CAPN3: variants seen among roughly 807,000 people sequenced by gnomAD.
CAPN3 encodes calpain-3.
CAPN3 carries 88 observed loss-of-function variants against 114.0 expected under a neutral mutation model. The ratio of observed to expected loss-of-function variants is 0.77; its 90% confidence interval spans 0.65 to 0.92. The LOEUF (loss-of-function observed/expected upper bound fraction) is 0.92, where lower values mean the gene tolerates loss of function less well. CAPN3 is among the 40% of genes least tolerant of loss of function. The pLI is 0.00. For missense variants in CAPN3, 1,028 were observed against 1,069.0 expected (o/e 0.96, Z 0.53); for synonymous variants, 386 against 382.9 (o/e 1.01, Z -0.09).
chr15:42,405,920 A>G lies in CAPN3; in HGVS notation c.1783-6A>G. 1 of 1,610,706 alleles carries G rather than the reference A, an allele frequency of 6.2e-7. No individual in the cohort carries two copies. Among genetic ancestry groups the G allele is most frequent in the Non-Finnish European group, 8.5e-7 (1 of 1,176,932 alleles). On this transcript the variant is annotated splice_polypyrimidine_tract_variant and splice_region_variant and intron_variant, in intron 14 of 23. Coordinates refer to ENST00000397163, the MANE Select transcript of CAPN3 (RefSeq NM_000070.3). ...TCTGCATTTACTGTTTCCTTTTCTT[A>G]TGCAGAAAAAGAAAAAAACCAAGGT...
At chr15:42,381,179 A>G (rs566046711) in intron 1 of CAPN3, among the ~76,000 whole-genome samples, 2 of 152,218 alleles carry the variant, frequency 1.3e-5, no homozygotes, top group East Asian at 3.9e-4. Flanking sequence ...TTTAAAATCA[A>G]GATTTTATTT....
chr15:42,403,775 G>C lies in CAPN3; in HGVS notation c.1780G>C (p.Val594Leu). ...VENTISVDRP[V>L]KKKKTKPIIF... is the part of the protein sequence containing the mutation. ...AAATACCATCTCCGTGGATCGGCCA[G>C]TGGTGAGTGGTTTAGATCTTCTGTG... The change falls in exon 14 of 24, where the codon GTG becomes CTG. Residue 594 changes from valine (V) to leucine (L), a missense_variant and splice_region_variant. Coordinates refer to ENST00000397163, the MANE Select transcript of CAPN3 (RefSeq NM_000070.3). 1.2e-6 allele frequency: 2 copies of C among 1,614,018 alleles called. No homozygotes were observed. The highest frequency in any genetic ancestry group is 8.5e-7 in the Non-Finnish European group (1 of 1,179,874).
intron 10 of CAPN3, 152 bp from the exon 11 acceptor site, chr15:42,401,489 A>G (rs1476161441): frequency 3.6e-5 from 5 of 138,032 alleles, no homozygotes; most frequent in Non-Finnish European, 1.4e-5. Context: ...CCCCCCCCCA[A>G]ATCATTAGAG....
intron 10 of CAPN3, among the ~76,000 whole-genome samples, chr15:42,400,518 C>T (rs752668791): frequency 2.0e-5 from 3 of 151,048 alleles, no homozygotes; most frequent in Admixed American, 6.6e-5. Context: ...ATCACTTGAG[C>T]CCAGGAGTTC....
intron 1 of CAPN3, among the ~76,000 whole-genome samples, chr15:42,366,828 CT>C (rs545010219): frequency 1.5e-4 from 19 of 127,762 alleles, no homozygotes; most frequent in South Asian, 5.0e-4. Context: ...TCTTTTTTTT[CT>C]TTTTTTTTTT....
At position 42,386,279 on chromosome 15, in the gene CAPN3, C is replaced by T. The variant is rs746311570; in HGVS notation, c.492C>T (p.His164=). The T allele has an allele frequency of 1.5e-5, 24 of 1,607,580 alleles. 1 individual carries two copies. Among genetic ancestry groups the T allele is most frequent in the Middle Eastern group, 1.6e-4 (1 of 6,068 alleles). Residue 164 remains histidine, a synonymous_variant, in exon 3 of 24, where the codon CAC becomes CAT. Transcript: ENST00000397163. ...TCGAAAACTACGCAGGGATCTTCCA[C>T]TTCCAGGTGAGGTAATGAGAGTGTA... The part of the protein sequence containing the change: ...SFIENYAGIF[H]FQFWRYGEWV...
intron 1 of CAPN3, among the ~76,000 whole-genome samples, chr15:42,378,144 C>T (rs1280237106): frequency 1.3e-5 from 2 of 152,192 alleles, no homozygotes; most frequent in Admixed American, 1.3e-4. Flanking sequence ...AGTCAGCAGC[C>T]ACGGCCCTGA....
At chr15:42,383,075 A>G (rs1052305126) in intron 1 of CAPN3, among the ~76,000 whole-genome samples, 1 of 152,148 alleles carries the variant, frequency 6.6e-6, no homozygotes, top group Non-Finnish European at 1.5e-5. Context: ...TTATCCTTCC[A>G]TTCCACTCAG....
At chr15:42,399,797 A>C in intron 10 of CAPN3, 145 bp downstream of exon 10, 1 of 753,184 alleles carries the variant, frequency 1.3e-6, no homozygotes, top group Non-Finnish European at 2.1e-6. Context: ...GGAAACCACC[A>C]TGCTGAGAAG....
chr15:42,409,249 C>G (rs759203442), intron 16 of CAPN3, 54 bp from the exon 17 acceptor site: 4 of 1,560,140 alleles, frequency 2.6e-6, no homozygotes, highest in Admixed American at 3.4e-5. Flanking sequence ...GCTTGCCTCA[C>G]AGGCCTGTGC....
At position 42,389,033 on chromosome 15, in the gene CAPN3, TGACATGTACAA is replaced by T. The variant is rs1555420647; in HGVS notation, c.741_751del (p.Met248HisfsTer16). The T allele has an allele frequency of 6.2e-7, 1 of 1,613,964 alleles. No individual in the cohort carries two copies. The highest frequency in any genetic ancestry group is 1.7e-5 in the Admixed American group (1 of 59,992). On this transcript the variant is annotated frameshift_variant, in exon 5 of 24. Transcript: ENST00000397163. LOFTEE classifies it high-confidence loss of function. ...TTTTTGAGATCAGGGATGCTCCTAG[TGACATGTACAA>T]GATCATGAAGAAAGCCATCGAGAGA...
Position 42,411,786 on chromosome 15 carries a change from T to A in CAPN3, c.*13T>A, listed in dbSNP as rs1461477933. On this transcript the variant is annotated 3_prime_UTR_variant, in exon 24 of 24. Coordinates refer to ENST00000397163, the MANE Select transcript of CAPN3 (RefSeq NM_000070.3). ...CATGTATGCCTGAACCAGGCTGGCC[T>A]CATCCAAAGCCATGCAGGATCACTC... 1.2e-6 allele frequency: 2 copies of A among 1,604,186 alleles called. No individual in the cohort carries two copies. Among genetic ancestry groups the A allele is most frequent in the Non-Finnish European group, 1.7e-6 (2 of 1,175,246 alleles).
Position 42,399,621 on chromosome 15 carries a change from T to A in CAPN3, c.1323T>A (p.Gly441=). 1 of 1,610,040 alleles carries A rather than the reference T, an allele frequency of 6.2e-7. No individual in the cohort carries two copies. Among genetic ancestry groups the A allele is most frequent in the African/African-American group, 1.3e-5 (1 of 74,674 alleles). The change falls in exon 10 of 24, where the codon GGT becomes GGA. Residue 441 remains glycine (G), a synonymous_variant. Transcript: ENST00000397163. ...VSVNEGRWVR[G]CSAGGCRNFP... Reference sequence around the variant, plus strand: ...TGAACGAGGGCCGCTGGGTACGGGGTTGCTCTGCCGGAGGCTGCCGCAACT... The same window carrying A: ...TGAACGAGGGCCGCTGGGTACGGGGATGCTCTGCCGGAGGCTGCCGCAACT...
intron 9 of CAPN3, among the ~76,000 whole-genome samples, chr15:42,398,590 T>TAC (rs376966106): frequency 0.11 from 12,645 of 120,104 alleles, 763 homozygotes; most frequent in East Asian, 0.21. Context: ...TCTCAAAAAA[T>TAC]ACACACACAC....
rs1270452281 is a variant in CAPN3, at chr15:42,410,675, A to G, written c.2263+9A>G. The G allele has an allele frequency of 6.8e-6, 11 of 1,611,412 alleles. No homozygotes were observed. Among genetic ancestry groups the G allele is most frequent in the Non-Finnish European group, 8.5e-6 (10 of 1,178,040 alleles). On this transcript the variant is annotated intron_variant, in intron 21 of 23. Coordinates refer to ENST00000397163, the MANE Select transcript of CAPN3 (RefSeq NM_000070.3). ...TGCAGTCAACGACGCAGGTGCTGAG[A>G]AGGAAGGGGTGGCAGGGATGTGGAC...
At chr15:42,361,719 A>G (rs1229249379) in intron 1 of CAPN3, among the ~76,000 whole-genome samples, 2 of 152,176 alleles carry the variant, frequency 1.3e-5, no homozygotes, top group East Asian at 1.9e-4. Flanking sequence ...TAGCCAAGCC[A>G]TAGGCCCTTC....
chr15:42,399,777 T>A, intron 10 of CAPN3, 125 bp downstream of exon 10: 1 of 857,408 alleles, frequency 1.2e-6, no homozygotes, highest in Non-Finnish European at 1.7e-6. Flanking sequence ...CTTCCCTGTT[T>A]TACTGAGAAG....
intron 1 of CAPN3, among the ~76,000 whole-genome samples, chr15:42,382,698 C>A (rs1023332401): frequency 6.6e-6 from 1 of 151,996 alleles, no homozygotes; most frequent in African/African-American, 2.4e-5. Flanking sequence ...GTTCATATTT[C>A]TTAGTATCTT....
In CAPN3 at chr15:42,411,767, T is replaced by C. The variant is rs1021209064; in HGVS notation, c.2460T>C (p.Tyr820=). The change falls in exon 24 of 24, where the codon TAT becomes TAC. Residue 820 remains tyrosine, a synonymous_variant. Coordinates refer to ENST00000397163, the MANE Select transcript of CAPN3 (RefSeq NM_000070.3). ...TTCAGTGGCTGCAGCTCACCATGTA[T>C]GCCTGAACCAGGCTGGCCTCATCCA... ...NVLEWLQLTM[Y]A The C allele has an allele frequency of 1.9e-6, 3 of 1,608,474 alleles. No individual in the cohort carries two copies. The highest frequency in any genetic ancestry group is 1.1e-5 in the South Asian group (1 of 90,904).
Sources: allele counts gnomAD v4.1 joint callset (sites outside exome capture counted in the v4.1 genomes callset), GRCh38; gene constraint gnomAD v4.1.1; transcripts MANE v1.5; gene names NCBI Gene and HGNC (gene_info 2026-07-23, HGNC 2026-07-21).